Variants in BBS9 observed in about 807,000 individuals in gnomAD.
The protein encoded by BBS9 is Bardet-Biedl syndrome 9.
A neutral mutation model predicts 117.7 loss-of-function variants in BBS9; 89 were observed. That is an observed-to-expected ratio of 0.76 (90% CI 0.64 to 0.90). The LOEUF is 0.90. Among genes scored for constraint, BBS9 ranks in the 40% least tolerant of loss-of-function variants. BBS9 has a pLI of 0.00. For synonymous variants in BBS9, 379 were observed against 370.9 expected, an observed-to-expected ratio of 1.02 and a Z score of -0.25; for missense variants, 982 against 1,042.2, an observed-to-expected ratio of 0.94 and a Z score of 0.80.
intron 4 of BBS9, among the ~76,000 whole-genome samples, chr7:33,172,394 TA>T (rs1309865540): frequency 8.6e-4 from 112 of 129,762 alleles, no homozygotes; most frequent in African/African-American, 1.2e-3. Flanking sequence ...AAAAAAATAA[TA>T]AAAAAAAAAA....
Position 33,152,753 on chromosome 7 carries a change from TC to T in BBS9, c.167del (p.Pro56LeufsTer15). The T allele has an allele frequency of 6.2e-7, 1 of 1,613,828 alleles. No individual in the cohort carries two copies. Among genetic ancestry groups the T allele is most frequent in the East Asian group, 2.2e-5 (1 of 44,834 alleles). On this transcript the variant is annotated frameshift_variant, in exon 3 of 23. Coordinates refer to ENST00000242067, the MANE Select transcript of BBS9 (RefSeq NM_198428.3). LOFTEE classifies it high-confidence loss of function. ...MGYLRIFSPHPAKTGDGAQAE... is the reference protein window; with the variant it reads ...MGYLRIFSPHXAKTGDGAQAE... Reference sequence around the variant, plus strand: ...GATACCTAAGGATCTTTAGCCCCCATCCTGCAAAAACAGGAGATGGAGCTCA... The same window carrying T: ...GATACCTAAGGATCTTTAGCCCCCATCTGCAAAAACAGGAGATGGAGCTCA...
chr7:33,473,835 C>T (rs759849274), intron 19 of BBS9, among the ~76,000 whole-genome samples: 6 of 152,128 alleles, frequency 3.9e-5, no homozygotes, highest in Non-Finnish European at 8.8e-5. Flanking sequence ...TCACTTTCCC[C>T]ACCAGACATA....
chr7:33,361,445 T>A (rs191583116), intron 16 of BBS9, among the ~76,000 whole-genome samples: 8 of 152,322 alleles, frequency 5.3e-5, no homozygotes, highest in Admixed American at 2.6e-4. Flanking sequence ...GGAGAAATTC[T>A]TTGGAGACAA....
chr7:33,335,817 G>A (rs76214629), intron 9 of BBS9, among the ~76,000 whole-genome samples: 4,909 of 152,226 alleles, frequency 0.032, 140 homozygotes, highest in African/African-American at 0.077. Flanking sequence ...AAACCAGAGG[G>A]CCACTTGAAT....
At chr7:33,607,266 C>A (rs765580705), downstream of BBS9, among the ~76,000 whole-genome samples, 2 of 152,056 alleles carry the variant, frequency 1.3e-5, no homozygotes, top group Non-Finnish European at 2.9e-5. Flanking sequence ...GTGGTCTAAC[C>A]TTCCTAATTT....
At position 33,148,652 on chromosome 7, in the gene BBS9, T is replaced by G. The variant is rs1378045284; in HGVS notation, c.112+2288T>G. ...TGCTGGGATTACAGGCATGAGCCAC[T>G]GCACCTGGCCTTTTTTTTTTTTTTT... On this transcript the variant is annotated intron_variant, in intron 2 of 22. Transcript: ENST00000242067. 4.7e-5 allele frequency among the ~76,000 whole-genome samples: 7 copies of G among 149,100 alleles called. No homozygotes were observed. The East Asian group carries it at 1.2e-3, about 25-fold the overall frequency.
In BBS9 at chr7:33,574,994, C is replaced by T. The variant is rs557249756; in HGVS notation, c.2522-29871C>T. 2.0e-5 allele frequency among the ~76,000 whole-genome samples: 3 copies of T among 152,114 alleles called. No homozygotes were observed. In the South Asian group the frequency reaches 6.2e-4, roughly 32 times the overall value. On this transcript the variant is annotated intron_variant, in intron 21 of 22. Coordinates refer to ENST00000242067, the MANE Select transcript of BBS9 (RefSeq NM_198428.3). The stretch of plus-strand genomic sequence containing the variant: ...ATTAAAAAGAAGTGATCTTTTTATT[C>T]ACAAGTGGGGCTTTTATCTGGCTTC...
chr7:33,310,471 A>T (rs1384032686), intron 9 of BBS9, among the ~76,000 whole-genome samples: 1 of 152,206 alleles, frequency 6.6e-6, no homozygotes, highest in Non-Finnish European at 1.5e-5. Flanking sequence ...ACACATCCAG[A>T]TGGGCCATGG....
At chr7:33,468,156 G>A (rs932786264) in intron 19 of BBS9, among the ~76,000 whole-genome samples, 4 of 152,076 alleles carry the variant, frequency 2.6e-5, no homozygotes, top group African/African-American at 9.7e-5. Context: ...AGAGATCGGG[G>A]GTAGATAAAA....
chr7:33,549,749 C>G (rs919236653), intron 21 of BBS9, among the ~76,000 whole-genome samples: 12 of 152,146 alleles, frequency 7.9e-5, no homozygotes, highest in Non-Finnish European at 7.3e-5. Context: ...CACCAGTGAA[C>G]TGCCTTTTCT....
chr7:33,149,533 G>C (rs1006944087), intron 2 of BBS9, among the ~76,000 whole-genome samples: 6 of 152,214 alleles, frequency 3.9e-5, no homozygotes, highest in Non-Finnish European at 8.8e-5. Flanking sequence ...CTCAACTCAA[G>C]ATTCAGACTC....
At chr7:33,265,519 C>G (rs887105595) in intron 7 of BBS9, among the ~76,000 whole-genome samples, 3 of 152,042 alleles carry the variant, frequency 2.0e-5, no homozygotes, top group Non-Finnish European at 4.4e-5. Flanking sequence ...TCTCAGTTTC[C>G]TCATTTGCAA....
At chr7:33,139,780 C>G (rs1208904876) in intron 1 of BBS9, among the ~76,000 whole-genome samples, 1 of 152,126 alleles carries the variant, frequency 6.6e-6, no homozygotes, top group Non-Finnish European at 1.5e-5. Context: ...CCGGCTGATG[C>G]AGGAGTGAGC....
rs527420939 is a variant in BBS9 at position 33,568,558 on chromosome 7, T to G, written c.2521+34382T>G. On this transcript the variant is annotated intron_variant, in intron 21 of 22. Coordinates refer to ENST00000242067, the MANE Select transcript of BBS9 (RefSeq NM_198428.3). ...GTAGTTCCTGGAACATAGTGGATAC[T>G]ACAAAGCTATTTCTTGAGTTGAGTG... is the stretch of plus-strand genomic sequence containing the variant. Among the ~76,000 whole-genome samples the G allele has an allele frequency of 8.5e-5, 13 of 152,358 alleles. No homozygotes were observed. In the South Asian group the frequency reaches 1.0e-3, roughly 12 times the overall value.
intron 16 of BBS9, among the ~76,000 whole-genome samples, chr7:33,359,561 T>C (rs1377791096): frequency 4.6e-5 from 7 of 152,088 alleles, no homozygotes; most frequent in Non-Finnish European, 1.0e-4. Flanking sequence ...ATATATATGA[T>C]ATAGAGTGGT....
At chr7:33,246,838 G>A (rs1441857521) in intron 5 of BBS9, among the ~76,000 whole-genome samples, 1 of 151,994 alleles carries the variant, frequency 6.6e-6, no homozygotes, top group East Asian at 1.9e-4. Context: ...TGCAGACAGA[G>A]ACAGCTCATT....
At chr7:33,406,498 G>C (rs1215231679) in intron 19 of BBS9, among the ~76,000 whole-genome samples, 3 of 151,658 alleles carry the variant, frequency 2.0e-5, no homozygotes, top group African/African-American at 7.3e-5. Flanking sequence ...TGGTTATTTT[G>C]CTCGTTAGTT....
chr7:33,149,655 G>C (rs1243297028), intron 2 of BBS9, among the ~76,000 whole-genome samples: 2 of 150,408 alleles, frequency 1.3e-5, no homozygotes, highest in Non-Finnish European at 3.0e-5. Flanking sequence ...TTGGAGTAGA[G>C]AGCAAATAAG....
chr7:33,334,395 C>T (rs561420585), intron 9 of BBS9, among the ~76,000 whole-genome samples: 7 of 152,166 alleles, frequency 4.6e-5, no homozygotes, highest in East Asian at 3.9e-4. Flanking sequence ...TCTGAGAAGC[C>T]CCCCCCAGAG....
Sources: gnomAD v4.1 joint callset for allele counts (sites outside exome capture counted in the v4.1 genomes callset) on GRCh38, gnomAD v4.1.1 for gene constraint, MANE v1.5 for transcripts, NCBI Gene and HGNC (gene_info 2026-07-23, HGNC 2026-07-21) for gene names.